The following C21orf58 variants were observed in gnomAD, a reference collection of about 807,000 sequenced individuals.
The protein encoded by C21orf58 is chromosome 21 open reading frame 58.
In C21orf58, 34 loss-of-function variants were observed where a neutral mutation model predicts 35.8. The observed-to-expected ratio is 0.95, with a 90% CI of 0.72 to 1.26. The LOEUF (loss-of-function observed/expected upper bound fraction) is 1.26, where lower values mean the gene tolerates loss of function less well. C21orf58 is among the 50% of genes most tolerant of loss of function. The pLI is 0.00. For synonymous variants in C21orf58, 191 were observed against 175.8 expected, an observed-to-expected ratio of 1.09 and a Z score of -0.68; for missense variants, 440 against 414.3, an observed-to-expected ratio of 1.06 and a Z score of -0.54.
chr21:46,311,538 C>A lies in C21orf58; in HGVS notation c.639G>T (p.Gln213His), dbSNP rs779017612. 2 of 1,611,722 alleles carry A rather than the reference C, an allele frequency of 1.2e-6. No individual in the cohort carries two copies. The highest frequency in any genetic ancestry group is 1.7e-6 in the Non-Finnish European group (2 of 1,178,986). ...TVPQPPATII[Q>H]QLPQQPLIAQ... ...CTATGAGTGGCTGCTGAGGGAGCTG[C>A]TGAATGATGGTGGCAGGAGGCTGGG... The change falls in exon 6 of 8, where the codon CAG becomes CAT. Residue 213 changes from glutamine to histidine, a missense_variant. Coordinates refer to ENST00000291691, the MANE Select transcript of C21orf58 (RefSeq NM_058180.5).
chr21:46,314,131 G>GTTTTTTTTTTTTTTTTTTTT (rs140166854), intron 5 of C21orf58, among the ~76,000 whole-genome samples: 1 of 145,030 alleles, frequency 6.9e-6, no homozygotes. Context: ...GCATGATAAA[G>GTTTTTTTTTTTTTTTTTTTT]TTTTTTTTTT....
At chr21:46,315,974 T>G (rs1446816654) in intron 3 of C21orf58, among the ~76,000 whole-genome samples, 1 of 152,088 alleles carries the variant, frequency 6.6e-6, no homozygotes, top group African/African-American at 2.4e-5. Context: ...GATCCCCAAG[T>G]ATCTGCACAT....
At chr21:46,303,729 ATATATATATATATATATTT>A (rs1394948181) in intron 6 of C21orf58, among the ~76,000 whole-genome samples, 2 of 27,182 alleles carry the variant, frequency 7.4e-5, no homozygotes, top group African/African-American at 3.6e-4. Context: ...ATATATATAT[ATATATATATATATATATTT>A]TTTTTTTTTT....
chr21:46,301,212 G>T lies in C21orf58; in HGVS notation c.*787C>A. On this transcript the variant is annotated 3_prime_UTR_variant, in exon 8 of 8. Coordinates refer to ENST00000291691, the MANE Select transcript of C21orf58 (RefSeq NM_058180.5). ...GCTATAGTGCAGTGGTTCCATCAGA[G>T]CTCACTGCAGCTTCTAACTCCTGGG... The T allele has an allele frequency of 2.5e-6, 1 of 400,078 alleles. No individual in the cohort carries two copies. Among genetic ancestry groups the T allele is most frequent in the Non-Finnish European group, 3.4e-6 (1 of 294,870 alleles). The allele number at this position is 400,078 out of a possible 1,614,324, so 24.8% of individuals were successfully genotyped here. A position where few individuals can be genotyped will look rare whatever the true frequency, so the allele number is the denominator to read the frequency against.
chr21:46,311,154 G>A (rs1026426798), intron 6 of C21orf58, among the ~76,000 whole-genome samples: 2 of 152,074 alleles, frequency 1.3e-5, no homozygotes, highest in African/African-American at 2.4e-5. Flanking sequence ...ACAAGCGTGA[G>A]CCACCGAGCC....
chr21:46,314,292 G>C (rs1050063434), intron 5 of C21orf58, among the ~76,000 whole-genome samples: 1 of 152,062 alleles, frequency 6.6e-6, no homozygotes, highest in East Asian at 1.9e-4. Context: ...TGCCCAGGCT[G>C]GTCTCAAACT....
chr21:46,306,930 C>T (rs1473673797), intron 6 of C21orf58, among the ~76,000 whole-genome samples: 4 of 151,186 alleles, frequency 2.6e-5, no homozygotes, highest in African/African-American at 9.7e-5. Flanking sequence ...GAGTCTTGGT[C>T]TGTCACCCAG....
chr21:46,315,528 G>A lies in C21orf58; in HGVS notation c.390C>T (p.Asp130=), dbSNP rs185555820. Residue 130 remains aspartate, a synonymous_variant, in exon 4 of 8, where the codon GAC becomes GAT. Coordinates refer to ENST00000291691, the MANE Select transcript of C21orf58 (RefSeq NM_058180.5). The part of the protein sequence containing the change: ...HLEPGNEDRP[D]DALQTALKRR... ...TCTTCAGAGCAGTCTGCAGGGCATC[G>A]TCCGGCCGGTCCTCATTTCCTGGAG... 1.7e-5 allele frequency: 27 copies of A among 1,610,850 alleles called. No homozygotes were observed. In the East Asian group the frequency reaches 1.8e-4, roughly 11 times the overall value.
At chr21:46,319,578 CACA>C (rs1391160015) in intron 1 of C21orf58, among the ~76,000 whole-genome samples, 11 of 152,266 alleles carry the variant, frequency 7.2e-5, no homozygotes, top group South Asian at 4.1e-4. Context: ...GCCGGCACAA[CACA>C]ACAAGACCCC....
In C21orf58 at chr21:46,302,013, G is replaced by T; in HGVS notation, c.955C>A (p.Pro319Thr). 1 of 1,532,396 alleles carries T rather than the reference G, an allele frequency of 6.5e-7. No homozygotes were observed. Among genetic ancestry groups the T allele is most frequent in the South Asian group, 1.2e-5 (1 of 82,762 alleles). The allele number at this position is 1,532,396 out of a possible 1,614,324, so 94.9% of individuals were successfully genotyped here. Residue 319 changes from proline (P) to threonine (T), a missense_variant, in exon 8 of 8, where the codon CCT (proline) becomes ACT (threonine). By Grantham distance (38) the Pro-to-Thr change is conservative. Coordinates refer to ENST00000291691, the MANE Select transcript of C21orf58 (RefSeq NM_058180.5). ...GTGACTCACACTCAGGGTGGGCCAG[G>T]CGTCCACAGGCTGGGGGCGGGCTGG... ...VLQPAPSLWT[P>T]GPP is the part of the protein sequence containing the mutation.
intron 6 of C21orf58, among the ~76,000 whole-genome samples, chr21:46,310,351 C>A (rs1276095685): frequency 6.6e-6 from 1 of 151,530 alleles, no homozygotes; most frequent in Non-Finnish European, 1.5e-5. Context: ...TGGTGGTGGG[C>A]ACCAGTAATC....
At chr21:46,314,589 G>A (rs1473166852) in intron 5 of C21orf58, 127 bp downstream of exon 5, 4 of 713,234 alleles carry the variant, frequency 5.6e-6, no homozygotes, top group Non-Finnish European at 9.0e-6. Flanking sequence ...CTTCAAGGGT[G>A]GGCCTTGGGA....
At position 46,301,817 on chromosome 21, in the gene C21orf58, C is replaced by A; in HGVS notation, c.*182G>T. ...GCAAGGGATGCCCCCTGGAATGGCC[C>A]CGTGACCAGAAAGCGAGCCTGCCCA... On this transcript the variant is annotated 3_prime_UTR_variant, in exon 8 of 8. Coordinates refer to ENST00000291691, the MANE Select transcript of C21orf58 (RefSeq NM_058180.5). 1 of 1,262,184 alleles carries A rather than the reference C, an allele frequency of 7.9e-7. No homozygotes were observed. The highest frequency in any genetic ancestry group is 9.9e-7 in the Non-Finnish European group (1 of 1,005,582). 78.2% of individuals were successfully genotyped at this position (1,262,184 alleles called of 1,614,324 possible).
chr21:46,318,592 CT>C lies in C21orf58; in HGVS notation c.101-373del, dbSNP rs1365404314. ...CTGCCTCCAGGGTGTTAATACCTCCCTCCTAGGGACCCTCAGAGCAAGCAGG... is the reference window on the plus strand; with the variant it reads ...CTGCCTCCAGGGTGTTAATACCTCCCCCTAGGGACCCTCAGAGCAAGCAGG... On this transcript the variant is annotated intron_variant, in intron 1 of 7. Transcript: ENST00000291691. The C allele has an allele frequency of 3.6e-6, 4 of 1,125,968 alleles. No homozygotes were observed. The South Asian group carries it at 6.9e-5, about 19-fold the overall frequency. 69.7% of individuals were successfully genotyped at this position (1,125,968 alleles called of 1,614,324 possible).
At chr21:46,304,776 C>T (rs1055936106) in intron 6 of C21orf58, among the ~76,000 whole-genome samples, 1 of 152,132 alleles carries the variant, frequency 6.6e-6, no homozygotes, top group Admixed American at 6.6e-5. Context: ...AAGGACTGTG[C>T]AGATGTAAGC....
At position 46,311,498 on chromosome 21, in the gene C21orf58, G is replaced by C. The variant is rs2082684135; in HGVS notation, c.679C>G (p.Pro227Ala). 1.2e-6 allele frequency: 2 copies of C among 1,611,984 alleles called. No homozygotes were observed. The highest frequency in any genetic ancestry group is 1.7e-6 in the Non-Finnish European group (2 of 1,179,052). ...QQPLIAQIPP[P>A]QAFPTQRSGS... ...GACCGTTGAGTAGGGAAGGCCTGGGGAGGAGGAATCTGTGCTATGAGTGGC... is the reference window on the plus strand; with the variant it reads ...GACCGTTGAGTAGGGAAGGCCTGGGCAGGAGGAATCTGTGCTATGAGTGGC... The change falls in exon 6 of 8, where the codon CCC becomes GCC. Residue 227 changes from proline (P) to alanine (A), a missense_variant. Coordinates refer to ENST00000291691, the MANE Select transcript of C21orf58 (RefSeq NM_058180.5).
intron 6 of C21orf58, among the ~76,000 whole-genome samples, chr21:46,308,738 C>T (rs1446177093): frequency 1.3e-5 from 2 of 152,042 alleles, no homozygotes; most frequent in Non-Finnish European, 2.9e-5. Context: ...GTAAGGGGTA[C>T]TTGGATCATG....
downstream of C21orf58, chr21:46,300,574 T>C (rs957388006): frequency 1.9e-6 from 2 of 1,026,874 alleles, no homozygotes; most frequent in Non-Finnish European, 2.4e-6. Context: ...CACGAAAAGA[T>C]GGTTCTGAGA....
intron 5 of C21orf58, among the ~76,000 whole-genome samples, chr21:46,312,300 C>T (rs1379662531): frequency 2.0e-5 from 3 of 152,066 alleles, no homozygotes; most frequent in Non-Finnish European, 4.4e-5. Flanking sequence ...TTAATAGGAG[C>T]AACCAACACT....
Sources: gnomAD v4.1 joint callset for allele counts (sites outside exome capture counted in the v4.1 genomes callset) on GRCh38, gnomAD v4.1.1 for gene constraint, MANE v1.5 for transcripts, NCBI Gene and HGNC (gene_info 2026-07-23, HGNC 2026-07-21) for gene names.